Variants in CD96 observed in about 807,000 individuals in gnomAD.
The protein encoded by CD96 is CD96 molecule.
Under a neutral mutation model 71.3 loss-of-function variants are expected in CD96, and 70 were observed. The observed-to-expected ratio is 0.98, with a 90% CI of 0.81 to 1.20. The LOEUF is 1.20. Among genes scored for constraint, CD96 ranks in the 50% most tolerant of loss-of-function variants. CD96 has a pLI of 0.00. For synonymous variants in CD96, 248 were observed against 233.0 expected (o/e 1.06, Z -0.59); for missense variants, 742 against 677.5 (o/e 1.10, Z -1.06).
intron 2 of CD96, among the ~76,000 whole-genome samples, chr3:111,564,078 TGC>T (rs1935587145): frequency 6.6e-6 from 1 of 152,206 alleles, no homozygotes; most frequent in Admixed American, 6.5e-5. Context: ...TGTTTGACTT[TGC>T]TCGATACTTT....
At chr3:111,550,950 T>A (rs1934672110) in intron 2 of CD96, among the ~76,000 whole-genome samples, 2 of 152,132 alleles carry the variant, frequency 1.3e-5, no homozygotes, top group African/African-American at 4.8e-5. Flanking sequence ...TTGGATTCCT[T>A]TTTAGATTGT....
chr3:111,591,010 G>A (rs1472943678), intron 5 of CD96, among the ~76,000 whole-genome samples: 1 of 152,096 alleles, frequency 6.6e-6, no homozygotes, highest in African/African-American at 2.4e-5. Context: ...ATGAAACATA[G>A]GAAACAAAAG....
At chr3:111,641,081 C>A (rs1406965428) in intron 12 of CD96, among the ~76,000 whole-genome samples, 8 of 151,974 alleles carry the variant, frequency 5.3e-5, no homozygotes. Flanking sequence ...AGTTAAAAAG[C>A]AAAAACAAAA....
At chr3:111,607,260 A>G (rs1428478791) in intron 8 of CD96, among the ~76,000 whole-genome samples, 2 of 152,230 alleles carry the variant, frequency 1.3e-5, no homozygotes, top group Non-Finnish European at 1.5e-5. Flanking sequence ...TGGGGAGTTT[A>G]AGAGATTGGT....
intron 2 of CD96, among the ~76,000 whole-genome samples, chr3:111,548,025 G>T (rs922558283): frequency 1.3e-5 from 2 of 152,100 alleles, no homozygotes; most frequent in African/African-American, 4.8e-5. Context: ...ATCTTCTCTT[G>T]CTTCTTCTCC....
At chr3:111,661,219 A>G (rs1940346472) in intron 14 of CD96, among the ~76,000 whole-genome samples, 1 of 152,184 alleles carries the variant, frequency 6.6e-6, no homozygotes, top group Non-Finnish European at 1.5e-5. Context: ...TGTCCTGGGA[A>G]CAGGAAGGGG....
Position 111,545,262 on chromosome 3 carries a change from A to T in CD96, c.278A>T (p.Glu93Val). The T allele has an allele frequency of 6.2e-7, 1 of 1,614,140 alleles. No homozygotes were observed. The highest frequency in any genetic ancestry group is 8.5e-7 in the Non-Finnish European group (1 of 1,179,978). The part of the protein sequence containing the change: ...RPCESLVTFT[E>V]TPENGSKWTL... Reference sequence around the variant, plus strand: ...TGTGAGTCACTTGTGACTTTCACAGAAACTCCTGAGAATGGGTCAAAATGG... The same window carrying T: ...TGTGAGTCACTTGTGACTTTCACAGTAACTCCTGAGAATGGGTCAAAATGG... The change falls in exon 2 of 14, where the codon GAA (glutamate) becomes GTA (valine). Residue 93 changes from glutamate (E) to valine (V), a missense_variant. Transcript: ENST00000352690.
intron 5 of CD96, among the ~76,000 whole-genome samples, chr3:111,596,739 T>C (rs949223957): frequency 1.3e-5 from 2 of 152,236 alleles, no homozygotes; most frequent in Non-Finnish European, 2.9e-5. Context: ...AACACTCTCC[T>C]TTACTTAATA....
chr3:111,578,760 A>T (rs377229054), intron 3 of CD96, among the ~76,000 whole-genome samples: 1 of 152,234 alleles, frequency 6.6e-6, no homozygotes, highest in Non-Finnish European at 1.5e-5. Context: ...CCTGCTCCAG[A>T]TATACAGTTC....
intron 2 of CD96, among the ~76,000 whole-genome samples, chr3:111,559,151 A>C (rs1456513119): frequency 6.6e-6 from 1 of 150,908 alleles, no homozygotes; most frequent in Non-Finnish European, 1.5e-5. Flanking sequence ...ATCCTTTCAA[A>C]AAACCAGCTC....
At chr3:111,640,822 G>T (rs1262948268) in intron 12 of CD96, among the ~76,000 whole-genome samples, 1 of 152,096 alleles carries the variant, frequency 6.6e-6, no homozygotes, top group Non-Finnish European at 1.5e-5. Context: ...GAAGAGACTG[G>T]GGACCTATCT....
chr3:111,593,964 G>A (rs1390970966), intron 5 of CD96: 4 of 1,614,024 alleles, frequency 2.5e-6, no homozygotes, highest in Non-Finnish European at 3.4e-6. Flanking sequence ...CTGCCACACA[G>A]GCGGCAGGTG....
At chr3:111,584,676 GA>G (rs1936623220) in intron 4 of CD96, among the ~76,000 whole-genome samples, 1 of 152,216 alleles carries the variant, frequency 6.6e-6, no homozygotes, top group African/African-American at 2.4e-5. Context: ...CAGATCTCAT[GA>G]AACTTATTCA....
intron 14 of CD96, among the ~76,000 whole-genome samples, chr3:111,660,422 T>C (rs1433211919): frequency 6.6e-6 from 1 of 152,246 alleles, no homozygotes; most frequent in African/African-American, 2.4e-5. Context: ...ATCAATATTT[T>C]TTAAATGGCC....
rs1939892626 is a variant in CD96 at position 111,647,594 on chromosome 3, C to A, written c.1529C>A (p.Ala510Glu). 6.2e-7 allele frequency: 1 copy of A among 1,611,242 alleles called. No homozygotes were observed. Among genetic ancestry groups the A allele is most frequent in the Non-Finnish European group, 8.5e-7 (1 of 1,177,490 alleles). Residue 510 changes from alanine to glutamate, a missense_variant, in exon 13 of 14, where the codon GCA (alanine) becomes GAA (glutamate). Ala to Glu is a moderately radical substitution (Grantham distance 107). Coordinates refer to ENST00000352690, the MANE Select transcript of CD96 (RefSeq NM_005816.5). ...KDGMSWPVIV[A>E]ALLFCCMILF... The stretch of plus-strand genomic sequence containing the variant: ...GGAATGTCCTGGCCAGTGATTGTAG[C>A]AGCTTTACTCTTTTGCTGCATGATA...
Position 111,637,364 on chromosome 3 carries a change from T to C in CD96, c.1387+103T>C. 5.3e-6 allele frequency: 4 copies of C among 748,024 alleles called. No individual in the cohort carries two copies. In the East Asian group the frequency reaches 7.5e-5, roughly 14 times the overall value. 46.3% of individuals were successfully genotyped at this position (748,024 alleles called of 1,614,324 possible). A position where few individuals can be genotyped will look rare whatever the true frequency, so the allele number is the denominator to read the frequency against. Reference sequence around the variant, plus strand: ...TGATAAGAAGCCAGCCTCAGATAGATATATAAAAGTACATCTTGATGATGA... The same window carrying C: ...TGATAAGAAGCCAGCCTCAGATAGACATATAAAAGTACATCTTGATGATGA... On this transcript the variant is annotated intron_variant, in intron 11 of 13. Transcript: ENST00000352690.
intron 5 of CD96, chr3:111,594,363 T>G: frequency 1.3e-6 from 1 of 793,784 alleles, no homozygotes; most frequent in South Asian, 2.3e-5. Flanking sequence ...TGAGGTTTCT[T>G]CCTTTCTGCT....
intron 2 of CD96, among the ~76,000 whole-genome samples, chr3:111,552,118 T>C (rs574886887): frequency 6.6e-6 from 1 of 152,204 alleles, no homozygotes; most frequent in Admixed American, 6.5e-5. Context: ...TCTATTCATG[T>C]CCTGTGCCCA....
intron 9 of CD96, among the ~76,000 whole-genome samples, 199 bp downstream of exon 9, chr3:111,624,021 G>A (rs998296200): frequency 1.3e-5 from 2 of 152,148 alleles, no homozygotes; most frequent in Non-Finnish European, 2.9e-5. Context: ...ATAAGGGCTG[G>A]TGATTTATTA....
Sources: gnomAD v4.1 joint callset for allele counts (sites outside exome capture counted in the v4.1 genomes callset) on GRCh38, gnomAD v4.1.1 for gene constraint, MANE v1.5 for transcripts, NCBI Gene and HGNC (gene_info 2026-07-23, HGNC 2026-07-21) for gene names.